SHISA9: variants seen among roughly 807,000 people sequenced by gnomAD.
SHISA9 encodes the protein shisa family member 9, also known as protein shisa-9.
Under a neutral mutation model 38.0 loss-of-function variants are expected in SHISA9, and 13 were observed. The observed-to-expected ratio is 0.34, with a 90% confidence interval of 0.22 to 0.54. The LOEUF is 0.54. Ranked by LOEUF, SHISA9 falls within the 20% of genes least tolerant of loss-of-function variation. The pLI is 0.91. For missense variants in SHISA9, 538 were observed against 575.8 expected, an observed-to-expected ratio of 0.93 and a Z score of 0.67; for synonymous variants, 275 against 242.0, an observed-to-expected ratio of 1.14 and a Z score of -1.27.
intron 2 of SHISA9, among the ~76,000 whole-genome samples, chr16:13,165,533 G>C (rs1239415490): frequency 1.3e-5 from 2 of 152,232 alleles, no homozygotes; most frequent in Non-Finnish European, 2.9e-5. Context: ...TTTGGCAACA[G>C]CCATGGAAGT....
chr16:13,095,274 CA>C (rs1196330969), intron 2 of SHISA9, among the ~76,000 whole-genome samples: 1 of 152,244 alleles, frequency 6.6e-6, no homozygotes, highest in Non-Finnish European at 1.5e-5. Context: ...ATCAGTCTAG[CA>C]ATCTGCTTTT....
chr16:13,207,828 T>C (rs1250552211), intron 3 of SHISA9, among the ~76,000 whole-genome samples: 3 of 152,244 alleles, frequency 2.0e-5, no homozygotes, highest in East Asian at 3.8e-4. Context: ...TGAAATGCAT[T>C]TTATTAATGA....
At chr16:12,929,646 G>A (rs2071437925) in intron 2 of SHISA9, among the ~76,000 whole-genome samples, 1 of 151,896 alleles carries the variant, frequency 6.6e-6, no homozygotes, top group African/African-American at 2.4e-5. Flanking sequence ...TCGGGGGTTG[G>A]GAGGAGGGAG....
At chr16:12,913,709 C>T (rs369698406) in intron 1 of SHISA9, among the ~76,000 whole-genome samples, 39 of 152,202 alleles carry the variant, frequency 2.6e-4, no homozygotes, top group African/African-American at 8.7e-4. Context: ...AATCTACTTT[C>T]CATCTTTATG....
At chr16:12,933,530 C>T (rs1037004362) in intron 2 of SHISA9, among the ~76,000 whole-genome samples, 2 of 152,070 alleles carry the variant, frequency 1.3e-5, no homozygotes, top group Admixed American at 6.6e-5. Flanking sequence ...TGACCTCAGG[C>T]GATCTGCCCT....
At position 13,237,187 on chromosome 16, in the gene SHISA9, G is replaced by A. The variant is rs1282568736; in HGVS notation, c.*1778G>A. The A allele has an allele frequency of 6.6e-6, 1 of 152,146 alleles. No individual in the cohort carries two copies. The highest frequency in any genetic ancestry group is 1.5e-5 in the Non-Finnish European group (1 of 68,050). The allele number at this position is 152,146 out of a possible 1,614,324, so 9.4% of individuals were successfully genotyped here. A position where few individuals can be genotyped will look rare whatever the true frequency, so the allele number is the denominator to read the frequency against. ...TGAGCTGCAAGGTTCTGCCTCACCTGTCTCTCCACTCTGACATCACGAAAT... is the reference window on the plus strand; with the variant it reads ...TGAGCTGCAAGGTTCTGCCTCACCTATCTCTCCACTCTGACATCACGAAAT... On this transcript the variant is annotated 3_prime_UTR_variant, in exon 5 of 5. Coordinates refer to ENST00000558583, the MANE Select transcript of SHISA9 (RefSeq NM_001145204.3).
chr16:13,239,859 T>C lies in SHISA9; in HGVS notation c.*4450T>C, dbSNP rs1368501764. The C allele has an allele frequency of 6.6e-6, 1 of 152,202 alleles. No homozygotes were observed. Among genetic ancestry groups the C allele is most frequent in the South Asian group, 2.1e-4 (1 of 4,832 alleles). 9.4% of individuals were successfully genotyped at this position (152,202 alleles called of 1,614,324 possible). A position where few individuals can be genotyped will look rare whatever the true frequency, so the allele number is the denominator to read the frequency against. On this transcript the variant is annotated 3_prime_UTR_variant, in exon 5 of 5. Coordinates refer to ENST00000558583, the MANE Select transcript of SHISA9 (RefSeq NM_001145204.3). ...TTTAATTAGATCCCATTTGTCAATT[T>C]TGGCTTCCTCTTGGGAGGGTAGACA...
intron 2 of SHISA9, among the ~76,000 whole-genome samples, chr16:13,168,742 G>A (rs1347636104): frequency 1.3e-5 from 2 of 152,218 alleles, no homozygotes; most frequent in African/African-American, 2.4e-5. Flanking sequence ...TAGGAGCCCA[G>A]GATGTGGACA....
intron 2 of SHISA9, among the ~76,000 whole-genome samples, chr16:12,972,114 AAAAAT>A (rs1432364817): frequency 6.6e-6 from 1 of 151,662 alleles, no homozygotes; most frequent in Non-Finnish European, 1.5e-5. Flanking sequence ...AAATGTAAAT[AAAAAT>A]AAATAATGAT....
At chr16:13,289,930 AT>A in the SHISA9 span, among the ~76,000 whole-genome samples, 4 of 152,222 alleles carry the variant, frequency 2.6e-5, no homozygotes, top group African/African-American at 9.6e-5. Flanking sequence ...ATCACTAGGT[AT>A]GGTGATTAAA....
intron 2 of SHISA9, among the ~76,000 whole-genome samples, chr16:13,037,699 C>T (rs1380329935): frequency 1.3e-5 from 2 of 152,232 alleles, no homozygotes; most frequent in African/African-American, 4.8e-5. Flanking sequence ...AGCCCCCTAA[C>T]TGGTCCTCCC....
chr16:13,205,086 C>G (rs2051051196), intron 3 of SHISA9, among the ~76,000 whole-genome samples: 1 of 152,204 alleles, frequency 6.6e-6, no homozygotes, highest in Non-Finnish European at 1.5e-5. Flanking sequence ...CATGTGGATG[C>G]CAATTACTAG....
At chr16:13,280,240 C>T in the SHISA9 span, among the ~76,000 whole-genome samples, 3 of 149,476 alleles carry the variant, frequency 2.0e-5, no homozygotes, top group African/African-American at 4.9e-5. Context: ...ATTTCTATTC[C>T]ATTAATTTCT....
At chr16:13,364,282 C>A in the SHISA9 span, among the ~76,000 whole-genome samples, 1 of 152,138 alleles carries the variant, frequency 6.6e-6, no homozygotes, top group Non-Finnish European at 1.5e-5. Context: ...AGGAGGAGAG[C>A]TAGTCTCTGA....
chr16:13,413,175 C>T, the SHISA9 span, among the ~76,000 whole-genome samples: 1 of 152,136 alleles, frequency 6.6e-6, no homozygotes, highest in Non-Finnish European at 1.5e-5. Flanking sequence ...AAGAGACCCT[C>T]ATAAAACCAC....
the SHISA9 span, among the ~76,000 whole-genome samples, chr16:13,448,685 A>T: frequency 2.0e-5 from 3 of 152,212 alleles, no homozygotes; most frequent in Admixed American, 2.0e-4. Context: ...AGAATATCCA[A>T]ACATTACAGA....
In SHISA9 at chr16:13,237,667, A is replaced by G. The variant is rs2051399107; in HGVS notation, c.*2258A>G. On this transcript the variant is annotated 3_prime_UTR_variant, in exon 5 of 5. Transcript: ENST00000558583. ...GTGAGACTATCTCAAAAAAAAAAAA[A>G]AAAAGAAAAAAAAAGAGATCTTTCA... The G allele has an allele frequency of 6.6e-6, 1 of 151,084 alleles. No homozygotes were observed. Among genetic ancestry groups the G allele is most frequent in the Non-Finnish European group, 1.5e-5 (1 of 67,576 alleles). 9.4% of individuals were successfully genotyped at this position (151,084 alleles called of 1,614,324 possible).
chr16:13,554,326 T>C, the SHISA9 span, among the ~76,000 whole-genome samples: 1 of 150,266 alleles, frequency 6.7e-6, no homozygotes, highest in Non-Finnish European at 1.5e-5. Flanking sequence ...CTTTCATGCC[T>C]ACCTGAGATA....
chr16:13,002,064 G>A (rs557050269), intron 2 of SHISA9, among the ~76,000 whole-genome samples: 1 of 152,154 alleles, frequency 6.6e-6, no homozygotes, highest in East Asian at 1.9e-4. Context: ...ATAGGGCCTG[G>A]CATCAGTGTT....
Sources: allele counts gnomAD v4.1 joint callset (sites outside exome capture counted in the v4.1 genomes callset), GRCh38; gene constraint gnomAD v4.1.1; transcripts MANE v1.5; gene names NCBI Gene and HGNC (gene_info 2026-07-23, HGNC 2026-07-21).